DSG1: variants seen among roughly 807,000 people sequenced by gnomAD.
DSG1 encodes desmoglein 1.
Under a neutral mutation model 97.5 loss-of-function variants are expected in DSG1, and 39 were observed. The ratio of observed to expected loss-of-function variants is 0.40; its 90% CI spans 0.31 to 0.52. DSG1 has a LOEUF of 0.52. Ranked by LOEUF, DSG1 falls within the 20% of genes least tolerant of loss-of-function variation. The pLI, the probability that DSG1 is intolerant of heterozygous loss-of-function variation, is 0.53. For missense variants in DSG1, 1,311 were observed against 1,295.4 expected (o/e 1.01, Z -0.18); for synonymous variants, 475 against 443.4 (o/e 1.07, Z -0.90).
chr18:31,328,207 G>T lies in DSG1; in HGVS notation c.235G>T (p.Ala79Ser). ...TCTGCAGATTCACTCAGATTGTGCTGCAAACCAGCAAGTTACATACCGCAT... is the reference window on the plus strand; with the variant it reads ...TCTGCAGATTCACTCAGATTGTGCTTCAAACCAGCAAGTTACATACCGCAT... ...PIAKIHSDCA[A>S]NQQVTYRISG... Residue 79 changes from alanine to serine, a missense_variant, in exon 4 of 15, where the codon GCA (alanine) becomes TCA (serine). This residue lies in a region of DSG1 where 259 missense variants were observed against 304.1 expected (regional missense o/e 0.85). Transcript: ENST00000257192. 7 of 1,613,366 alleles carry T rather than the reference G, an allele frequency of 4.3e-6. No individual in the cohort carries two copies. Among genetic ancestry groups the T allele is most frequent in the Non-Finnish European group, 5.9e-6 (7 of 1,179,488 alleles).
chr18:31,336,752 A>C, intron 9 of DSG1, 139 bp downstream of exon 9: 4 of 914,528 alleles, frequency 4.4e-6, no homozygotes. Context: ...AAGTACTATA[A>C]ACTGTGCATT....
rs57090132 is a variant in DSG1, at chr18:31,342,898, ATT to A, written c.1688-534_1688-533del. Among the ~76,000 whole-genome samples the A allele has an allele frequency of 4.5e-3, 376 of 82,762 alleles. 8 individuals are homozygous for A. The highest frequency in any genetic ancestry group is 6.0e-3 in the African/African-American group (182 of 30,304). The allele number at this position is 82,762 out of a possible 152,430, so 54.3% of individuals were successfully genotyped here. The stretch of plus-strand genomic sequence containing the variant: ...TTTTAATAATGTAATACTATCTGTG[ATT>A]TTTTTTTTTTTTTTTTTGAGAGAGG... On this transcript the variant is annotated intron_variant, in intron 11 of 14. Coordinates refer to ENST00000257192, the MANE Select transcript of DSG1 (RefSeq NM_001942.4).
rs780017995 is a variant in DSG1, at chr18:31,343,881, A to C, written c.1822-45A>C. Reference sequence around the variant, plus strand: ...AAATGTATGACTGCAGAAAGATTATAGTCATTGGTCACTACAAATGGAAAT... The same window carrying C: ...AAATGTATGACTGCAGAAAGATTATCGTCATTGGTCACTACAAATGGAAAT... On this transcript the variant is annotated intron_variant, in intron 12 of 14. Coordinates refer to ENST00000257192, the MANE Select transcript of DSG1 (RefSeq NM_001942.4). 4 of 1,457,444 alleles carry C rather than the reference A, an allele frequency of 2.7e-6. No homozygotes were observed. In the African/African-American group the frequency reaches 5.6e-5, roughly 20 times the overall value. The allele number at this position is 1,457,444 out of a possible 1,614,324, so 90.3% of individuals were successfully genotyped here. A position where few individuals can be genotyped will look rare whatever the true frequency, so the allele number is the denominator to read the frequency against.
In DSG1 at chr18:31,357,172, C is replaced by G. The variant is rs1160451095; in HGVS notation, c.*1826C>G. 6.6e-6 allele frequency: 1 copy of G among 152,066 alleles called. No individual in the cohort carries two copies. The highest frequency in any genetic ancestry group is 2.4e-5 in the African/African-American group (1 of 41,442). 9.4% of individuals were successfully genotyped at this position (152,066 alleles called of 1,614,324 possible). ...TTACTGAACCTAGAGCTATTTTGCTCTGTAACAACAGATAAGGCTAATATT... is the reference window on the plus strand; with the variant it reads ...TTACTGAACCTAGAGCTATTTTGCTGTGTAACAACAGATAAGGCTAATATT... On this transcript the variant is annotated 3_prime_UTR_variant, in exon 15 of 15. Coordinates refer to ENST00000257192, the MANE Select transcript of DSG1 (RefSeq NM_001942.4).
At chr18:31,328,556 C>T (rs568787472) in intron 4 of DSG1, among the ~76,000 whole-genome samples, 1 of 152,138 alleles carries the variant, frequency 6.6e-6, no homozygotes, top group South Asian at 2.1e-4. Flanking sequence ...ATGCTAACCT[C>T]TATACTGTCC....
chr18:31,330,909 T>C (rs1447384539), intron 5 of DSG1, among the ~76,000 whole-genome samples: 1 of 152,134 alleles, frequency 6.6e-6, no homozygotes, highest in East Asian at 1.9e-4. Flanking sequence ...TTAAAGGTTA[T>C]GCTACAATAA....
intron 1 of DSG1, among the ~76,000 whole-genome samples, chr18:31,324,088 A>T (rs2071670817): frequency 7.3e-6 from 1 of 137,060 alleles, no homozygotes. Context: ...GGTTCCATTG[A>T]TTCTCCTGCC....
chr18:31,335,008 A>G (rs1216836240), intron 8 of DSG1, among the ~76,000 whole-genome samples: 1 of 151,602 alleles, frequency 6.6e-6, no homozygotes, highest in Non-Finnish European at 1.5e-5. Context: ...TATAATCCCT[A>G]TTTAACTATT....
In DSG1 at chr18:31,357,122, C is replaced by G. The variant is rs1381173898; in HGVS notation, c.*1776C>G. The G allele has an allele frequency of 2.0e-5, 3 of 152,056 alleles. No individual in the cohort carries two copies. Among genetic ancestry groups the G allele is most frequent in the Non-Finnish European group, 4.4e-5 (3 of 67,946 alleles). The allele number at this position is 152,056 out of a possible 1,614,324, so 9.4% of individuals were successfully genotyped here. On this transcript the variant is annotated 3_prime_UTR_variant, in exon 15 of 15. Coordinates refer to ENST00000257192, the MANE Select transcript of DSG1 (RefSeq NM_001942.4). ...GCCAAAGAATATTCAACTTCCTCCACTGGTCAAAAGAGGATAGGAGTGAAT... is the reference window on the plus strand; with the variant it reads ...GCCAAAGAATATTCAACTTCCTCCAGTGGTCAAAAGAGGATAGGAGTGAAT...
intron 1 of DSG1, 23 bp downstream of exon 1, chr18:31,318,371 C>T (rs201046084): frequency 8.8e-5 from 141 of 1,602,256 alleles, no homozygotes; most frequent in Non-Finnish European, 1.1e-4. Context: ...TGGTAAAAGT[C>T]CTTCATAATC....
rs376361770 is a variant in DSG1 at position 31,318,399 on chromosome 18, G to T, written c.48+51G>T. ...TCATAATCGTGCCCATTGTAAACAA[G>T]TGAAAACTTTTTAGAAAATGTTAGT... is the stretch of plus-strand genomic sequence containing the variant. On this transcript the variant is annotated intron_variant, in intron 1 of 14. Coordinates refer to ENST00000257192, the MANE Select transcript of DSG1 (RefSeq NM_001942.4). 120 of 1,510,120 alleles carry T rather than the reference G, an allele frequency of 7.9e-5. No homozygotes were observed. In the African/African-American group the frequency reaches 1.5e-3, roughly 19 times the overall value. The allele number at this position is 1,510,120 out of a possible 1,614,324, so 93.5% of individuals were successfully genotyped here.
chr18:31,337,413 C>G (rs377449234), intron 9 of DSG1, among the ~76,000 whole-genome samples: 2 of 152,216 alleles, frequency 1.3e-5, no homozygotes, highest in East Asian at 3.9e-4. Flanking sequence ...CCTGCTACCA[C>G]GCCCAGCTAT....
chr18:31,327,109 C>G lies in DSG1; in HGVS notation c.216+104C>G, dbSNP rs563761257. 7.1e-6 allele frequency: 10 copies of G among 1,415,260 alleles called. No individual in the cohort carries two copies. In the African/African-American group the frequency reaches 1.3e-4, roughly 18 times the overall value. 87.7% of individuals were successfully genotyped at this position (1,415,260 alleles called of 1,614,324 possible). A position where few individuals can be genotyped will look rare whatever the true frequency, so the allele number is the denominator to read the frequency against. On this transcript the variant is annotated intron_variant, in intron 3 of 14. Transcript: ENST00000257192. ...ATGAACATGTCTCACCGAGAAGCTACGATACAGAACAGAACTATAGTCACC... is the reference window on the plus strand; with the variant it reads ...ATGAACATGTCTCACCGAGAAGCTAGGATACAGAACAGAACTATAGTCACC...
chr18:31,348,154 T>C lies in DSG1; in HGVS notation c.2100+1956T>C, dbSNP rs1005143711. 5.1e-4 allele frequency among the ~76,000 whole-genome samples: 62 copies of C among 122,584 alleles called. No individual in the cohort carries two copies. In the East Asian group the frequency reaches 0.011, roughly 21 times the overall value. 80.4% of individuals were successfully genotyped at this position (122,584 alleles called of 152,430 possible). A position where few individuals can be genotyped will look rare whatever the true frequency, so the allele number is the denominator to read the frequency against. ...CCACAACAGTCCCCAGAGTGTGATATTCCCCTTCCTGTGTCCATGTGATCT... is the reference window on the plus strand; with the variant it reads ...CCACAACAGTCCCCAGAGTGTGATACTCCCCTTCCTGTGTCCATGTGATCT... On this transcript the variant is annotated intron_variant, in intron 14 of 14. Coordinates refer to ENST00000257192, the MANE Select transcript of DSG1 (RefSeq NM_001942.4).
At chr18:31,351,011 C>T (rs2071891268) in intron 14 of DSG1, among the ~76,000 whole-genome samples, 1 of 149,898 alleles carries the variant, frequency 6.7e-6, no homozygotes, top group Non-Finnish European at 1.5e-5. Context: ...CTTCTGCTAG[C>T]TTTTGAATGT....
At chr18:31,320,735 A>G (rs781433165) in intron 1 of DSG1, among the ~76,000 whole-genome samples, 47 of 152,192 alleles carry the variant, frequency 3.1e-4, no homozygotes, top group Non-Finnish European at 5.7e-4. Context: ...AGGAGTTAGA[A>G]TGTATTTTCT....
In DSG1 at chr18:31,318,259, A is replaced by T. The variant is rs1328349459; in HGVS notation, c.-42A>T. ...AAAGAAAAAGAACAGAGAAGAACAA[A>T]CAAAACTCCCTTGGTCTTGGATGTA... On this transcript the variant is annotated 5_prime_UTR_variant, in exon 1 of 15. Transcript: ENST00000257192. The T allele has an allele frequency of 6.3e-7, 1 of 1,577,762 alleles. No homozygotes were observed. The highest frequency in any genetic ancestry group is 8.7e-7 in the Non-Finnish European group (1 of 1,146,856).
intron 4 of DSG1, 21 bp from the exon 5 acceptor site, chr18:31,329,871 T>C: frequency 6.2e-7 from 1 of 1,612,036 alleles, no homozygotes; most frequent in Non-Finnish European, 8.5e-7. Flanking sequence ...ACTGTATAAT[T>C]ATTTATCTTT....
intron 6 of DSG1, 83 bp from the exon 7 acceptor site, chr18:31,333,506 C>T: frequency 1.3e-6 from 2 of 1,577,670 alleles, no homozygotes; most frequent in Admixed American, 3.3e-5. Flanking sequence ...AAACGTTGAG[C>T]CAACTTTTCA....
Sources: gnomAD v4.1 joint callset for allele counts (sites outside exome capture counted in the v4.1 genomes callset) on GRCh38, gnomAD v4.1.1 for gene constraint, gnomAD v4.1.1 regional missense constraint, MANE v1.5 for transcripts, NCBI Gene and HGNC (gene_info 2026-07-23, HGNC 2026-07-21) for gene names.